The following KIRREL3 variants were observed in gnomAD, a reference collection of about 807,000 sequenced individuals.
The protein encoded by KIRREL3 is kirre like nephrin family adhesion molecule 3.
Under a neutral mutation model 89.7 loss-of-function variants are expected in KIRREL3, and 36 were observed. That is an observed-to-expected ratio of 0.40 (90% CI 0.31 to 0.53). The LOEUF is 0.53. Ranked by LOEUF, KIRREL3 falls within the 20% of genes least tolerant of loss-of-function variation. The pLI is 0.49. For missense variants in KIRREL3, 864 were observed against 1,056.6 expected (o/e 0.82, Z 2.53); for synonymous variants, 445 against 441.4 (o/e 1.01, Z -0.10).
Position 126,435,276 on chromosome 11 carries a change from A to C in KIRREL3, c.1580T>G (p.Leu527Arg), listed in dbSNP as rs1463006902. Residue 527 changes from leucine to arginine, a missense_variant, in exon 13 of 17, where the codon CTG (leucine) becomes CGG (arginine). By Grantham distance (102) the Leu-to-Arg change is moderately radical. Transcript: ENST00000525144. The stretch of plus-strand genomic sequence containing the variant: ...ATCATCTCCTTCCGTACCTGCTTCC[A>C]GCCCGGCTCCCGACTTCATTTCCGA... ...QGSEMKSGAG[L>R]EAESVPMAVI... The C allele has an allele frequency of 6.2e-7, 1 of 1,612,604 alleles. No homozygotes were observed. Among genetic ancestry groups the C allele is most frequent in the Non-Finnish European group, 8.5e-7 (1 of 1,179,198 alleles).
chr11:126,509,068 T>A (rs12806499), intron 4 of KIRREL3, among the ~76,000 whole-genome samples: 1 of 151,996 alleles, frequency 6.6e-6, no homozygotes, highest in African/African-American at 2.4e-5. Context: ...TTTGAAGCTG[T>A]GTCCAGTCCC....
At chr11:126,552,349 C>T (rs1052622775) in intron 2 of KIRREL3, among the ~76,000 whole-genome samples, 2 of 152,096 alleles carry the variant, frequency 1.3e-5, no homozygotes, top group Non-Finnish European at 2.9e-5. Flanking sequence ...ACCACCAGGC[C>T]CCCTAGTTGG....
At chr11:126,929,362 G>T (rs1784311) in intron 1 of KIRREL3, among the ~76,000 whole-genome samples, 95,083 of 151,784 alleles carry the variant, frequency 0.63, 30,930 homozygotes, top group Middle Eastern at 0.84. Context: ...AGGCTTGTGG[G>T]TGCTGAGGGT....
chr11:126,540,650 C>T lies in KIRREL3; in HGVS notation c.134-13963G>A, dbSNP rs975261551. On this transcript the variant is annotated intron_variant, in intron 2 of 16. Transcript: ENST00000525144. The stretch of plus-strand genomic sequence containing the variant: ...CGATCCAGCCAAGGCCTGGATGCCA[C>T]GAAGACACTGATAAGTGCTGCTGGA... Among the ~76,000 whole-genome samples the T allele has an allele frequency of 1.2e-4, 18 of 152,344 alleles. No individual in the cohort carries two copies. The East Asian group carries it at 2.7e-3, about 23-fold the overall frequency.
intron 1 of KIRREL3, among the ~76,000 whole-genome samples, chr11:126,673,901 C>T (rs1234823735): frequency 6.6e-6 from 1 of 152,228 alleles, no homozygotes; most frequent in Non-Finnish European, 1.5e-5. Context: ...TCCCTCTGTA[C>T]GGAGCTCAGT....
chr11:126,771,813 G>T lies in KIRREL3; in HGVS notation c.56-208901C>A, dbSNP rs1280276006. ...ACAGATTTGGCACTGGCTAATCCAGGTAGGCATGAATGGTATCTTGCAGAC... is the reference window on the plus strand; with the variant it reads ...ACAGATTTGGCACTGGCTAATCCAGTTAGGCATGAATGGTATCTTGCAGAC... On this transcript the variant is annotated intron_variant, in intron 1 of 16. Transcript: ENST00000525144. The surrounding 1 kb of genome is among the most constrained non-coding windows in gnomAD (Gnocchi z 4.4). Among the ~76,000 whole-genome samples, 1 of 152,248 alleles carries T rather than the reference G, an allele frequency of 6.6e-6. No individual in the cohort carries two copies. Among genetic ancestry groups the T allele is most frequent in the Non-Finnish European group, 1.5e-5 (1 of 68,046 alleles).
intron 1 of KIRREL3, among the ~76,000 whole-genome samples, chr11:126,873,253 A>AG (rs1487944017): frequency 6.6e-6 from 1 of 152,232 alleles, no homozygotes; most frequent in Non-Finnish European, 1.5e-5. Flanking sequence ...TTCTGCTGTG[A>AG]AGAAATTTAA....
At chr11:126,712,244 G>A (rs1054635409) in intron 1 of KIRREL3, among the ~76,000 whole-genome samples, 2 of 147,216 alleles carry the variant, frequency 1.4e-5, no homozygotes, top group African/African-American at 5.0e-5. Context: ...CGAAGGAAAT[G>A]TGTGCTCCAG....
At chr11:126,478,383 G>A (rs1293021379) in intron 4 of KIRREL3, among the ~76,000 whole-genome samples, 3 of 152,092 alleles carry the variant, frequency 2.0e-5, no homozygotes, top group African/African-American at 4.8e-5. Context: ...CACAGTAGGC[G>A]CTAAAGAAAT....
Position 126,563,877 on chromosome 11 carries a change from C to T in KIRREL3, c.56-965G>A, listed in dbSNP as rs773946504. 6.6e-6 allele frequency among the ~76,000 whole-genome samples: 1 copy of T among 152,168 alleles called. No individual in the cohort carries two copies. Among genetic ancestry groups the T allele is most frequent in the Non-Finnish European group, 1.5e-5 (1 of 68,034 alleles). The stretch of plus-strand genomic sequence containing the variant: ...TAATTTTTTTGACCCCCCTCTACCC[C>T]CAAACAACTCACTGAGGTGGGCATA... On this transcript the variant is annotated intron_variant, in intron 1 of 16. Transcript: ENST00000525144. This position sits in a 1 kb window ranked among gnomAD's most constrained non-coding sequence, Gnocchi z 6.8.
At position 126,736,127 on chromosome 11, in the gene KIRREL3, C is replaced by A. The variant is rs1948791194; in HGVS notation, c.56-173215G>T. 6.6e-6 allele frequency among the ~76,000 whole-genome samples: 1 copy of A among 152,158 alleles called. No homozygotes were observed. Among genetic ancestry groups the A allele is most frequent in the Non-Finnish European group, 1.5e-5 (1 of 68,042 alleles). ...TTTCCATAGCTACTGCTGCTGGCTACCTTGCATTTCTGTGGATTTGGTCAC... is the reference window on the plus strand; with the variant it reads ...TTTCCATAGCTACTGCTGCTGGCTAACTTGCATTTCTGTGGATTTGGTCAC... On this transcript the variant is annotated intron_variant, in intron 1 of 16. Transcript: ENST00000525144. This position sits in a 1 kb window ranked among gnomAD's most constrained non-coding sequence, Gnocchi z 5.0.
At position 126,424,497 on chromosome 11, in the gene KIRREL3, C is replaced by T. The variant is rs1954850570; in HGVS notation, c.*83G>A. The T allele has an allele frequency of 2.2e-6, 3 of 1,390,060 alleles. No individual in the cohort carries two copies. The Admixed American group carries it at 5.9e-5, about 28-fold the overall frequency. 86.1% of individuals were successfully genotyped at this position (1,390,060 alleles called of 1,614,324 possible). A position where few individuals can be genotyped will look rare whatever the true frequency, so the allele number is the denominator to read the frequency against. ...TGGAAGTGGCCAATTCTGGTGTCCT[C>T]TGCAAAGTACCCCTCGTCCCTGGAC... On this transcript the variant is annotated 3_prime_UTR_variant, in exon 17 of 17. Coordinates refer to ENST00000525144, the MANE Select transcript of KIRREL3 (RefSeq NM_032531.4).
Position 126,729,232 on chromosome 11 carries a change from C to G in KIRREL3, c.56-166320G>C, listed in dbSNP as rs781053544. Among the ~76,000 whole-genome samples the G allele has an allele frequency of 6.6e-6, 1 of 152,244 alleles. No homozygotes were observed. The highest frequency in any genetic ancestry group is 2.4e-5 in the African/African-American group (1 of 41,464). ...AGGACAGACCCAGTAGACTGTGGCTCAGCCTTTCTTGGGAAGCAGACTTCT... is the reference window on the plus strand; with the variant it reads ...AGGACAGACCCAGTAGACTGTGGCTGAGCCTTTCTTGGGAAGCAGACTTCT... On this transcript the variant is annotated intron_variant, in intron 1 of 16. Coordinates refer to ENST00000525144, the MANE Select transcript of KIRREL3 (RefSeq NM_032531.4). This position sits in a 1 kb window ranked among gnomAD's most constrained non-coding sequence, Gnocchi z 4.5.
rs925456650 is a variant in KIRREL3 at position 126,513,529 on chromosome 11, C to T, written c.433+7786G>A. On this transcript the variant is annotated intron_variant, in intron 4 of 16. Transcript: ENST00000525144. The surrounding 1 kb of genome is among the most constrained non-coding windows in gnomAD (Gnocchi z 5.9). ...ATCCCTGAGGGATCCTCTCTTCCTC[C>T]GGGCCTTGGAAGTCGTTTAATGCTT... 3.3e-5 allele frequency among the ~76,000 whole-genome samples: 5 copies of T among 152,168 alleles called. No homozygotes were observed. The highest frequency in any genetic ancestry group is 2.1e-4 in the South Asian group (1 of 4,834).
intron 6 of KIRREL3, among the ~76,000 whole-genome samples, chr11:126,457,036 T>G (rs1191250001): frequency 6.7e-6 from 1 of 150,310 alleles, no homozygotes; most frequent in Non-Finnish European, 1.5e-5. Context: ...TGCTAAATGG[T>G]GGGAAGGGGA....
chr11:126,509,241 C>T (rs746658801), intron 4 of KIRREL3, among the ~76,000 whole-genome samples: 4 of 152,244 alleles, frequency 2.6e-5, no homozygotes, highest in Admixed American at 6.5e-5. Context: ...GGGACCCTCA[C>T]TCACAAGCCC....
At chr11:126,926,421 G>C (rs1297283330) in intron 1 of KIRREL3, among the ~76,000 whole-genome samples, 2 of 152,200 alleles carry the variant, frequency 1.3e-5, no homozygotes, top group East Asian at 3.8e-4. Context: ...ATATGGTAAT[G>C]AGCAGCTCTC....
At chr11:126,494,915 A>G (rs1383968334) in intron 4 of KIRREL3, among the ~76,000 whole-genome samples, 1 of 152,258 alleles carries the variant, frequency 6.6e-6, no homozygotes, top group Non-Finnish European at 1.5e-5. Context: ...ATCAGGCCAC[A>G]AGGGCCCCGG....
chr11:126,664,439 C>T lies in KIRREL3; in HGVS notation c.56-101527G>A, dbSNP rs1015809235. Reference sequence around the variant, plus strand: ...GACTTTCCAGTGTTGAGAAGCACCTCCTTCCTCCCACCTGCCTACTCTAAA... The same window carrying T: ...GACTTTCCAGTGTTGAGAAGCACCTTCTTCCTCCCACCTGCCTACTCTAAA... On this transcript the variant is annotated intron_variant, in intron 1 of 16. Coordinates refer to ENST00000525144, the MANE Select transcript of KIRREL3 (RefSeq NM_032531.4). This position sits in a 1 kb window ranked among gnomAD's most constrained non-coding sequence, Gnocchi z 5.4. 5.3e-5 allele frequency among the ~76,000 whole-genome samples: 8 copies of T among 152,128 alleles called. No homozygotes were observed. Among genetic ancestry groups the T allele is most frequent in the African/African-American group, 1.7e-4 (7 of 41,442 alleles).
Sources: allele counts gnomAD v4.1 joint callset (sites outside exome capture counted in the v4.1 genomes callset), GRCh38; gene constraint gnomAD v4.1.1; non-coding constraint Gnocchi (gnomAD v3.1); transcripts MANE v1.5; gene names NCBI Gene and HGNC (gene_info 2026-07-23, HGNC 2026-07-21).